POLQ: variants seen among roughly 807,000 people sequenced by gnomAD.
The protein encoded by POLQ is DNA polymerase theta.
POLQ carries 233 observed loss-of-function variants against 259.2 expected under a neutral mutation model. That is an observed-to-expected ratio of 0.90 (90% CI 0.81 to 1.00). POLQ has a LOEUF of 1.00. Among genes scored for constraint, POLQ ranks in the 50% least tolerant of loss-of-function variants. The pLI is 0.00. For missense variants in POLQ, 2,871 were observed against 3,051.6 expected (o/e 0.94, Z 1.39); for synonymous variants, 1,025 against 1,048.8 (o/e 0.98, Z 0.44).
intron 9 of POLQ, among the ~76,000 whole-genome samples, chr3:121,517,138 T>A (rs138400695): frequency 1.4e-4 from 21 of 152,306 alleles, no homozygotes; most frequent in African/African-American, 5.1e-4. Flanking sequence ...CGAGAGACAA[T>A]TATCTATGTA....
intron 25 of POLQ, among the ~76,000 whole-genome samples, chr3:121,457,927 C>T (rs1051040755): frequency 6.6e-6 from 1 of 152,126 alleles, no homozygotes; most frequent in African/African-American, 2.4e-5. Context: ...TATAAAGATA[C>T]ATGCACACGT....
chr3:121,505,487 T>C (rs1322397021), intron 12 of POLQ, among the ~76,000 whole-genome samples: 1 of 151,742 alleles, frequency 6.6e-6, no homozygotes, highest in Non-Finnish European at 1.5e-5. Context: ...TCAGTCAAAC[T>C]GGTCTTTTGT....
intron 6 of POLQ, 102 bp downstream of exon 6, chr3:121,532,888 T>C (rs750981995): frequency 6.6e-6 from 5 of 761,700 alleles, no homozygotes; most frequent in African/African-American, 1.7e-5. Flanking sequence ...CTAATGTATA[T>C]GTAACTCCCA....
chr3:121,453,375 A>C (rs2047697237), intron 25 of POLQ, among the ~76,000 whole-genome samples: 1 of 152,270 alleles, frequency 6.6e-6, no homozygotes, highest in Admixed American at 6.5e-5. Flanking sequence ...CAGCAACGGA[A>C]CAAAGCTGGA....
In POLQ at chr3:121,494,108, A is replaced by G. The variant is rs1160957391; in HGVS notation, c.2279-387T>C. Reference sequence around the variant, plus strand: ...AAGGTCTCTCTCTTCCCGCCACCCAAGATGCCGAAAGGAAAGAAGGCCAAG... The same window carrying G: ...AAGGTCTCTCTCTTCCCGCCACCCAGGATGCCGAAAGGAAAGAAGGCCAAG... On this transcript the variant is annotated intron_variant, in intron 14 of 29. Coordinates refer to ENST00000264233, the MANE Select transcript of POLQ (RefSeq NM_199420.4). 5.6e-6 allele frequency: 4 copies of G among 717,794 alleles called. No homozygotes were observed. In the East Asian group the frequency reaches 1.1e-4, roughly 19 times the overall value. 44.5% of individuals were successfully genotyped at this position (717,794 alleles called of 1,614,324 possible). A position where few individuals can be genotyped will look rare whatever the true frequency, so the allele number is the denominator to read the frequency against.
chr3:121,438,683 C>T (rs1223069705), intron 27 of POLQ, among the ~76,000 whole-genome samples: 1 of 152,202 alleles, frequency 6.6e-6, no homozygotes, highest in East Asian at 1.9e-4. Context: ...TTCCTTCTCC[C>T]TGAAACCTAA....
intron 14 of POLQ, among the ~76,000 whole-genome samples, chr3:121,495,741 C>T (rs1170126327): frequency 2.7e-5 from 4 of 147,840 alleles, no homozygotes; most frequent in South Asian, 2.2e-4. Flanking sequence ...CCCAGCTACT[C>T]GGGAGGCTGA....
At chr3:121,494,801 G>A in intron 14 of POLQ, 3 of 1,491,874 alleles carry the variant, frequency 2.0e-6, no homozygotes, top group Non-Finnish European at 2.8e-6. Flanking sequence ...CAGATAGGAT[G>A]AGACCCACCG....
chr3:121,461,435 G>C (rs1049260651), intron 24 of POLQ, among the ~76,000 whole-genome samples: 1 of 152,046 alleles, frequency 6.6e-6, no homozygotes, highest in African/African-American at 2.4e-5. Flanking sequence ...GGCAGATGAC[G>C]AGGTCAGGAG....
chr3:121,468,497 T>A, intron 22 of POLQ, 66 bp from the exon 23 acceptor site: 1 of 1,148,482 alleles, frequency 8.7e-7, no homozygotes, highest in Non-Finnish European at 1.3e-6. Flanking sequence ...TTAACAGTAT[T>A]CACATTTCTG....
intron 22 of POLQ, among the ~76,000 whole-genome samples, chr3:121,469,185 C>CAAA (rs36073350): frequency 3.5e-5 from 4 of 113,160 alleles, no homozygotes; most frequent in Admixed American, 9.5e-5. Flanking sequence ...GAGACTGTCT[C>CAAA]AAAAAAAAAA....
At chr3:121,455,038 G>A (rs2047720426) in intron 25 of POLQ, among the ~76,000 whole-genome samples, 1 of 152,052 alleles carries the variant, frequency 6.6e-6, no homozygotes, top group Non-Finnish European at 1.5e-5. Flanking sequence ...CTGTCTCTCA[G>A]ACCACAGTGC....
chr3:121,490,815 A>G (rs1156521695), intron 15 of POLQ, among the ~76,000 whole-genome samples: 2 of 152,236 alleles, frequency 1.3e-5, no homozygotes, highest in Non-Finnish European at 2.9e-5. Context: ...GCACTTTGGG[A>G]GACCAAGGAA....
intron 13 of POLQ, among the ~76,000 whole-genome samples, chr3:121,498,018 T>A (rs926051929): frequency 3.3e-5 from 5 of 151,868 alleles, no homozygotes; most frequent in Non-Finnish European, 7.4e-5. Flanking sequence ...ATTTAGTAAA[T>A]ACAGAAAACT....
intron 7 of POLQ, among the ~76,000 whole-genome samples, chr3:121,527,077 T>C (rs1025180513): frequency 4.6e-5 from 7 of 152,012 alleles, no homozygotes; most frequent in African/African-American, 1.4e-4. Context: ...ATATTTTTTT[T>C]TGAGATGGAG....
At position 121,483,569 on chromosome 3, in the gene POLQ, A is replaced by G; in HGVS notation, c.5787T>C (p.Ser1929=). The G allele has an allele frequency of 6.5e-7, 1 of 1,526,970 alleles. No individual in the cohort carries two copies. Among genetic ancestry groups the G allele is most frequent in the Non-Finnish European group, 8.7e-7 (1 of 1,145,224 alleles). The allele number at this position is 1,526,970 out of a possible 1,614,324, so 94.6% of individuals were successfully genotyped here. ...KEQKHSEISA[S]LVPPSLDPSL... ...TTGGATCTAAAGAAGGTGGAACCAAACTGGCACTAATTTCTTTAAAAAAAA... is the reference window on the plus strand; with the variant it reads ...TTGGATCTAAAGAAGGTGGAACCAAGCTGGCACTAATTTCTTTAAAAAAAA... The change falls in exon 18 of 30, where the codon AGT becomes AGC. Residue 1929 remains serine (S), a synonymous_variant. Coordinates refer to ENST00000264233, the MANE Select transcript of POLQ (RefSeq NM_199420.4).
chr3:121,498,593 T>C lies in POLQ; in HGVS notation c.2037A>G (p.Ser679=). The change falls in exon 13 of 30, where the codon TCA becomes TCG. Residue 679 remains serine (S), a synonymous_variant. Coordinates refer to ENST00000264233, the MANE Select transcript of POLQ (RefSeq NM_199420.4). ...CCACTAGCTCTGCCACCCTTTTCAT[T>C]GAAGTTGGCAACTTCTCCCATAAAC... The part of the protein sequence containing the change: ...FFCLWEKLPT[S]MKRVAELVGV... 5 of 1,613,798 alleles carry C rather than the reference T, an allele frequency of 3.1e-6. No individual in the cohort carries two copies. Among genetic ancestry groups the C allele is most frequent in the Non-Finnish European group, 4.2e-6 (5 of 1,179,668 alleles).
chr3:121,465,066 C>T lies in POLQ; in HGVS notation c.6967+2453G>A, dbSNP rs141775462. Among the ~76,000 whole-genome samples the T allele has an allele frequency of 1.5e-3, 221 of 151,128 alleles. 1 individual carries two copies. Among genetic ancestry groups the T allele is most frequent in the African/African-American group, 5.1e-3 (212 of 41,282 alleles). On this transcript the variant is annotated intron_variant, in intron 24 of 29. Transcript: ENST00000264233. ...GAGTTTCTGGTACTCAATTCAGTTA[C>T]TGGAAATGTTTTTTTTCTTTTTTCT...
chr3:121,526,263 G>A (rs1289209440), intron 7 of POLQ, among the ~76,000 whole-genome samples: 4 of 152,142 alleles, frequency 2.6e-5, no homozygotes, highest in Admixed American at 1.3e-4. Flanking sequence ...ACAAAGCATC[G>A]ATGAAACGAA....
Sources: gnomAD v4.1 joint callset for allele counts (sites outside exome capture counted in the v4.1 genomes callset) on GRCh38, gnomAD v4.1.1 for gene constraint, MANE v1.5 for transcripts, NCBI Gene and HGNC (gene_info 2026-07-23, HGNC 2026-07-21) for gene names.